Variants in DMXL1 observed in about 807,000 individuals in gnomAD.
DMXL1 encodes Dmx like 1.
DMXL1 carries 99 observed loss-of-function variants against 319.2 expected under a neutral mutation model. The ratio of observed to expected loss-of-function variants is 0.31; its 90% CI spans 0.26 to 0.37. DMXL1 has a LOEUF of 0.37. Ranked by LOEUF, DMXL1 falls within the 10% of genes least tolerant of loss-of-function variation. The pLI, the probability that DMXL1 is intolerant of heterozygous loss-of-function variation, is 1.00. For synonymous variants in DMXL1, 1,385 were observed against 1,235.2 expected, an observed-to-expected ratio of 1.12 and a Z score of -2.54; for missense variants, 3,745 against 3,595.6, an observed-to-expected ratio of 1.04 and a Z score of -1.06.
chr5:119,128,336 G>A (rs1232846310), intron 9 of DMXL1: 1 of 281,820 alleles, frequency 3.5e-6, no homozygotes, highest in Non-Finnish European at 7.0e-6. Context: ...CTGGATATTT[G>A]ATTTGGGAGA....
At chr5:119,132,541 G>A (rs932147473) in intron 10 of DMXL1, 8 of 252,380 alleles carry the variant, frequency 3.2e-5, no homozygotes, top group South Asian at 8.7e-5. Flanking sequence ...TTAGCCGGGC[G>A]CAGTGGCAGG....
chr5:119,137,299 C>T (rs535256235), intron 13 of DMXL1, among the ~76,000 whole-genome samples: 8 of 152,304 alleles, frequency 5.3e-5, no homozygotes, highest in South Asian at 4.1e-4. Context: ...TGCCTGTGCT[C>T]GCATTGTATC....
intron 38 of DMXL1, among the ~76,000 whole-genome samples, chr5:119,225,556 G>A (rs1785387384): frequency 1.3e-5 from 2 of 152,046 alleles, no homozygotes; most frequent in Middle Eastern, 3.4e-3. Context: ...CAGTTTAATA[G>A]CCTATTAAAA....
chr5:119,167,026 C>T (rs1773567665), intron 22 of DMXL1, among the ~76,000 whole-genome samples: 1 of 152,002 alleles, frequency 6.6e-6, no homozygotes, highest in African/African-American at 2.4e-5. Context: ...ATTGATTTGA[C>T]TCTTGAGAAT....
chr5:119,152,592 T>C (rs1270756041), intron 19 of DMXL1, among the ~76,000 whole-genome samples: 3 of 152,252 alleles, frequency 2.0e-5, no homozygotes, highest in African/African-American at 4.8e-5. Flanking sequence ...CTTTGAACTA[T>C]CTTAGACTTT....
chr5:119,216,037 A>C (rs1365636878), intron 34 of DMXL1, among the ~76,000 whole-genome samples: 1 of 125,832 alleles, frequency 7.9e-6, no homozygotes, highest in Non-Finnish European at 1.6e-5. Flanking sequence ...CAGAGGTTGC[A>C]GTGAGCTGAG....
At chr5:119,121,328 G>T (rs1321448740) in intron 9 of DMXL1, among the ~76,000 whole-genome samples, 189 bp downstream of exon 9, 1 of 150,916 alleles carries the variant, frequency 6.6e-6, no homozygotes, top group Non-Finnish European at 1.5e-5. Context: ...GTTTCTTGCA[G>T]AGGGAGGTTT....
chr5:119,245,587 T>C (rs1276023948), intron 43 of DMXL1, among the ~76,000 whole-genome samples: 1 of 150,922 alleles, frequency 6.6e-6, no homozygotes, highest in Non-Finnish European at 1.5e-5. Context: ...GTCGCCAGGC[T>C]GGAGCACAGT....
chr5:119,191,005 T>C (rs1291188155), intron 29 of DMXL1, among the ~76,000 whole-genome samples: 1 of 152,234 alleles, frequency 6.6e-6, no homozygotes, highest in Non-Finnish European at 1.5e-5. Context: ...TTTATTTCTT[T>C]GTATTCCTAA....
At chr5:119,145,116 C>T (rs751079886) in intron 15 of DMXL1, among the ~76,000 whole-genome samples, 1 of 151,796 alleles carries the variant, frequency 6.6e-6, no homozygotes, top group African/African-American at 2.4e-5. Flanking sequence ...TAAAATAAAG[C>T]TACAGTCTCT....
Position 119,149,016 on chromosome 5 carries a change from G to A in DMXL1, c.3189G>A (p.Gln1063=). The A allele has an allele frequency of 6.2e-7, 1 of 1,613,914 alleles. No individual in the cohort carries two copies. The highest frequency in any genetic ancestry group is 8.5e-7 in the Non-Finnish European group (1 of 1,179,868). ...ATCGTTTAGCAGTAGCTTATAAGCAGCCTGCATCTAATAGTAGATCTTCCC... is the reference window on the plus strand; with the variant it reads ...ATCGTTTAGCAGTAGCTTATAAGCAACCTGCATCTAATAGTAGATCTTCCC... ...HTNRLAVAYK[Q]PASNSRSSQD... Residue 1063 remains glutamine, a synonymous_variant, in exon 18 of 44, where the codon CAG becomes CAA. Transcript: ENST00000539542.
chr5:119,115,130 C>T (rs1337190434), intron 6 of DMXL1, among the ~76,000 whole-genome samples: 1 of 152,140 alleles, frequency 6.6e-6, no homozygotes, highest in East Asian at 1.9e-4. Context: ...CCTTTCTTTT[C>T]TCATGTGTAA....
At chr5:119,156,845 TTC>T (rs1771194103) in intron 19 of DMXL1, among the ~76,000 whole-genome samples, 1 of 152,172 alleles carries the variant, frequency 6.6e-6, no homozygotes, top group South Asian at 2.1e-4. Context: ...GTTTGTTTTT[TTC>T]TCTTTCTGAT....
chr5:119,118,485 C>G (rs756353389), intron 7 of DMXL1, among the ~76,000 whole-genome samples: 3 of 152,036 alleles, frequency 2.0e-5, no homozygotes, highest in Non-Finnish European at 2.9e-5. Flanking sequence ...TGGCACACAC[C>G]TGTAATCCCA....
chr5:119,203,285 A>G (rs749339004), intron 32 of DMXL1, 34 bp from the exon 33 acceptor site: 28 of 1,380,910 alleles, frequency 2.0e-5, no homozygotes, highest in Non-Finnish European at 2.7e-5. Flanking sequence ...AAATTTCTGA[A>G]GTTTATCATT....
chr5:119,100,216 G>T (rs1208202547), intron 2 of DMXL1, among the ~76,000 whole-genome samples: 1 of 151,892 alleles, frequency 6.6e-6, no homozygotes, highest in African/African-American at 2.4e-5. Flanking sequence ...GGATCATGAG[G>T]TCAGGAGTTC....
chr5:119,094,096 G>C (rs1341575832), intron 1 of DMXL1, among the ~76,000 whole-genome samples: 2 of 152,244 alleles, frequency 1.3e-5, no homozygotes, highest in Non-Finnish European at 2.9e-5. Context: ...TGAGATAATT[G>C]ATGAAGGTGG....
intron 13 of DMXL1, among the ~76,000 whole-genome samples, chr5:119,136,562 C>A (rs1330441239): frequency 6.6e-6 from 1 of 152,222 alleles, no homozygotes; most frequent in Non-Finnish European, 1.5e-5. Flanking sequence ...CATCAGAGGT[C>A]CAGAGGCCTA....
At chr5:119,123,613 A>G (rs1344096099) in intron 9 of DMXL1, among the ~76,000 whole-genome samples, 1 of 152,008 alleles carries the variant, frequency 6.6e-6, no homozygotes, top group East Asian at 1.9e-4. Context: ...TGATATTTGA[A>G]CTGTTACTTA....
Sources: allele counts gnomAD v4.1 joint callset (sites outside exome capture counted in the v4.1 genomes callset), GRCh38; gene constraint gnomAD v4.1.1; transcripts MANE v1.5; gene names NCBI Gene and HGNC (gene_info 2026-07-23, HGNC 2026-07-21).